Variants in MAP2K1 observed in about 807,000 individuals in gnomAD.
The protein encoded by MAP2K1 is dual specificity mitogen-activated protein kinase kinase 1.
In MAP2K1, 16 loss-of-function variants were observed where a neutral mutation model predicts 46.3. The ratio of observed to expected loss-of-function variants is 0.35; its 90% CI spans 0.23 to 0.52. The LOEUF is 0.52. Ranked by LOEUF, MAP2K1 falls within the 20% of genes least tolerant of loss-of-function variation. MAP2K1 has a pLI of 0.94. For synonymous variants in MAP2K1, 183 were observed against 185.6 expected (o/e 0.99, Z 0.11); for missense variants, 263 against 497.1 (o/e 0.53, Z 4.48).
At chr15:66,404,117 C>T (rs577053401) in intron 1 of MAP2K1, among the ~76,000 whole-genome samples, 6 of 152,292 alleles carry the variant, frequency 3.9e-5, no homozygotes, top group African/African-American at 1.2e-4. Context: ...ATGTATCCTG[C>T]TAATCAGGCA....
rs2093372070 is a variant in MAP2K1, at chr15:66,397,893, G to A, written c.80+10466G>A. On this transcript the variant is annotated intron_variant, in intron 1 of 10. Coordinates refer to ENST00000307102, the MANE Select transcript of MAP2K1 (RefSeq NM_002755.4). The stretch of plus-strand genomic sequence containing the variant: ...CCGAGGCGTGCAGATCACGAGCTCA[G>A]GAGTTCGAGACCAGCCTGGCCAACA... 1.3e-5 allele frequency among the ~76,000 whole-genome samples: 2 copies of A among 152,140 alleles called. 1 individual carries two copies.
intron 1 of MAP2K1, among the ~76,000 whole-genome samples, chr15:66,395,686 C>T (rs61027991): frequency 0.11 from 16,047 of 150,774 alleles, 1,075 homozygotes; most frequent in Non-Finnish European, 0.15. Context: ...AAGTGAGTAT[C>T]GTGCCTCAGC....
chr15:66,409,646 G>A (rs892096900), intron 1 of MAP2K1, among the ~76,000 whole-genome samples: 1 of 152,164 alleles, frequency 6.6e-6, no homozygotes, highest in Non-Finnish European at 1.5e-5. Flanking sequence ...TGGTAACATG[G>A]TTTCATGCTG....
chr15:66,396,994 T>TC (rs2093369343), intron 1 of MAP2K1, among the ~76,000 whole-genome samples: 1 of 114,304 alleles, frequency 8.7e-6, no homozygotes, highest in Non-Finnish European at 1.7e-5. Flanking sequence ...CTGTAACGCT[T>TC]CTTTTTTTTT....
chr15:66,439,687 AC>A (rs2093498246), intron 3 of MAP2K1, among the ~76,000 whole-genome samples: 1 of 152,090 alleles, frequency 6.6e-6, no homozygotes, highest in African/African-American at 2.4e-5. Flanking sequence ...AATCACTTCA[AC>A]CCAGAAGGTG....
At chr15:66,417,447 C>G (rs993895028) in intron 1 of MAP2K1, among the ~76,000 whole-genome samples, 5 of 152,034 alleles carry the variant, frequency 3.3e-5, no homozygotes, top group Non-Finnish European at 7.4e-5. Context: ...TGGCACGTGC[C>G]TGTAGTCCAG....
intron 5 of MAP2K1, among the ~76,000 whole-genome samples, chr15:66,454,895 CAAAA>C (rs759871462): frequency 4.0e-5 from 6 of 150,074 alleles, no homozygotes; most frequent in African/African-American, 9.8e-5. Context: ...AAAAAAAAAA[CAAAA>C]AAAGAAGGAT....
intron 5 of MAP2K1, among the ~76,000 whole-genome samples, chr15:66,452,299 A>AG (rs1435621830): frequency 6.5e-4 from 29 of 44,314 alleles, no homozygotes; most frequent in Middle Eastern, 8.1e-3. Context: ...AAAAAAAAAA[A>AG]AAAAGAAAAA....
At chr15:66,408,332 A>T (rs2093402892) in intron 1 of MAP2K1, among the ~76,000 whole-genome samples, 1 of 152,180 alleles carries the variant, frequency 6.6e-6, no homozygotes. Context: ...GCAATTTTTT[A>T]GGATGTGCAG....
chr15:66,476,317 G>C (rs138651819), intron 5 of MAP2K1, among the ~76,000 whole-genome samples: 1 of 152,206 alleles, frequency 6.6e-6, no homozygotes, highest in South Asian at 2.1e-4. Context: ...CCCAGAGGTG[G>C]CCTCAGGAAG....
chr15:66,425,137 G>C (rs2093454475), intron 1 of MAP2K1, among the ~76,000 whole-genome samples: 1 of 152,156 alleles, frequency 6.6e-6, no homozygotes, highest in African/African-American at 2.4e-5. Flanking sequence ...TATAGACCTT[G>C]GGTTTGGGGT....
chr15:66,485,318 C>A, intron 7 of MAP2K1, 127 bp downstream of exon 7: 1 of 949,432 alleles, frequency 1.1e-6, no homozygotes, highest in Non-Finnish European at 1.5e-6. Flanking sequence ...GGATGCCAGG[C>A]TAGGGCCAGG....
chr15:66,434,780 A>T (rs2093483248), intron 1 of MAP2K1, among the ~76,000 whole-genome samples: 1 of 152,142 alleles, frequency 6.6e-6, no homozygotes, highest in Admixed American at 6.5e-5. Flanking sequence ...AGTGAGAAAG[A>T]CCTAATTTTT....
chr15:66,391,016 G>T (rs2093355071), intron 1 of MAP2K1, among the ~76,000 whole-genome samples: 1 of 150,972 alleles, frequency 6.6e-6, no homozygotes, highest in Admixed American at 6.6e-5. Flanking sequence ...AAGCATCTCA[G>T]AGGAATGTGG....
chr15:66,423,805 C>T lies in MAP2K1; in HGVS notation c.81-11222C>T, dbSNP rs2093449955. Reference sequence around the variant, plus strand: ...TATTTTTAGTAGAGATGGGGTTTCACCATGTTGGTCAGGCTGGTCTCAAAC... The same window carrying T: ...TATTTTTAGTAGAGATGGGGTTTCATCATGTTGGTCAGGCTGGTCTCAAAC... On this transcript the variant is annotated intron_variant, in intron 1 of 10. Coordinates refer to ENST00000307102, the MANE Select transcript of MAP2K1 (RefSeq NM_002755.4). Among the ~76,000 whole-genome samples, 6 of 151,848 alleles carry T rather than the reference C, an allele frequency of 4.0e-5. No homozygotes were observed. In the South Asian group the frequency reaches 1.2e-3, roughly 32 times the overall value.
intron 1 of MAP2K1, among the ~76,000 whole-genome samples, chr15:66,417,463 T>A (rs2093427304): frequency 6.6e-6 from 1 of 151,948 alleles, no homozygotes; most frequent in Non-Finnish European, 1.5e-5. Context: ...TCCAGTTACT[T>A]GAGAAACTGA....
chr15:66,442,282 A>G (rs892258496), intron 3 of MAP2K1, among the ~76,000 whole-genome samples: 3 of 152,160 alleles, frequency 2.0e-5, no homozygotes, highest in Non-Finnish European at 2.9e-5. Context: ...TTCTGGTCAC[A>G]GCCGGCCATT....
At chr15:66,417,048 C>T (rs7168238) in intron 1 of MAP2K1, among the ~76,000 whole-genome samples, 1 of 152,082 alleles carries the variant, frequency 6.6e-6, no homozygotes, top group Non-Finnish European at 1.5e-5. Flanking sequence ...GGCAAGCTTT[C>T]TGGTTCTCTA....
At chr15:66,427,178 G>A (rs994590101) in intron 1 of MAP2K1, among the ~76,000 whole-genome samples, 1 of 152,158 alleles carries the variant, frequency 6.6e-6, no homozygotes, top group African/African-American at 2.4e-5. Context: ...TTAAATGAGA[G>A]TGAAATATTT....
Sources: gnomAD v4.1 joint callset for allele counts (sites outside exome capture counted in the v4.1 genomes callset) on GRCh38, gnomAD v4.1.1 for gene constraint, MANE v1.5 for transcripts, NCBI Gene and HGNC (gene_info 2026-07-23, HGNC 2026-07-21) for gene names.